Variants in PDE8B observed in about 807,000 individuals in gnomAD.
PDE8B encodes high affinity cAMP-specific and IBMX-insensitive 3',5'-cyclic phosphodiesterase 8B.
Under a neutral mutation model 101.3 loss-of-function variants are expected in PDE8B, and 26 were observed. That is an observed-to-expected ratio of 0.26 (90% confidence interval 0.19 to 0.36). PDE8B has a LOEUF of 0.36. PDE8B is among the 10% of genes least tolerant of loss of function. The probability of loss-of-function intolerance (pLI) is 1.00; values close to 1 mark genes in which losing one functional copy is unlikely to be tolerated. For missense variants in PDE8B, 810 were observed against 1,163.1 expected, an observed-to-expected ratio of 0.70 and a Z score of 4.42; for synonymous variants, 424 against 429.3, an observed-to-expected ratio of 0.99 and a Z score of 0.15.
At chr5:77,169,112 A>G in the PDE8B span, among the ~76,000 whole-genome samples, 1 of 152,176 alleles carries the variant, frequency 6.6e-6, no homozygotes, top group Non-Finnish European at 1.5e-5. Context: ...CTCTTCCAGG[A>G]TATTTAGACA....
chr5:77,242,255 C>A (rs1003228886), intron 1 of PDE8B, among the ~76,000 whole-genome samples: 1 of 152,208 alleles, frequency 6.6e-6, no homozygotes, highest in African/African-American at 2.4e-5. Flanking sequence ...GTATCCAGTG[C>A]TCTCCAAGAG....
At chr5:77,167,357 C>G in the PDE8B span, among the ~76,000 whole-genome samples, 7,422 of 152,262 alleles carry the variant, frequency 0.049, 604 homozygotes, top group African/African-American at 0.17. Flanking sequence ...GGGTGCTTAA[C>G]ACTTTGAGAA....
At chr5:77,396,231 A>G (rs1791035122) in intron 10 of PDE8B, among the ~76,000 whole-genome samples, 1 of 152,206 alleles carries the variant, frequency 6.6e-6, no homozygotes, top group South Asian at 2.1e-4. Context: ...CCCTTCCCCC[A>G]CATTGACTAC....
intron 7 of PDE8B, 89 bp from the exon 8 acceptor site, chr5:77,349,330 C>T (rs1047393045): frequency 6.5e-7 from 1 of 1,542,644 alleles, no homozygotes; most frequent in Admixed American, 1.7e-5. Context: ...TCCTCTGGGT[C>T]CCAACAAGTC....
In PDE8B at chr5:77,321,305, C is replaced by A. The variant is rs181356070; in HGVS notation, c.400-4234C>A. 4.5e-3 allele frequency among the ~76,000 whole-genome samples: 682 copies of A among 152,184 alleles called. 4 individuals carry two copies. The highest frequency in any genetic ancestry group is 0.015 in the African/African-American group (633 of 41,524). ...TAGCTGGGATTACAGGCATGCACCA[C>A]CACGCCTGGCTAATTTTGTATTTTT... On this transcript the variant is annotated intron_variant, in intron 2 of 21. Coordinates refer to ENST00000264917, the MANE Select transcript of PDE8B (RefSeq NM_003719.5).
intron 11 of PDE8B, among the ~76,000 whole-genome samples, chr5:77,401,571 T>C (rs1366893269): frequency 2.6e-5 from 4 of 152,234 alleles, no homozygotes; most frequent in Non-Finnish European, 4.4e-5. Context: ...TAGCCCTATG[T>C]AGTTTTGAGA....
the PDE8B span, chr5:77,105,674 A>G: frequency 5.3e-5 from 8 of 152,200 alleles, no homozygotes; most frequent in Non-Finnish European, 1.2e-4. Flanking sequence ...CTGGAGTGGG[A>G]TTGCTAGATC....
At chr5:77,134,037 T>C in the PDE8B span, among the ~76,000 whole-genome samples, 3 of 152,174 alleles carry the variant, frequency 2.0e-5, no homozygotes, top group Non-Finnish European at 4.4e-5. Context: ...TCTGTAGTCA[T>C]GGAAGCACAC....
At chr5:77,129,687 C>T in the PDE8B span, among the ~76,000 whole-genome samples, 7 of 152,156 alleles carry the variant, frequency 4.6e-5, no homozygotes, top group Non-Finnish European at 8.8e-5. Flanking sequence ...TAGCTCTGTT[C>T]TTCTCTTTCT....
chr5:77,117,582 T>G, the PDE8B span, among the ~76,000 whole-genome samples: 1 of 152,074 alleles, frequency 6.6e-6, no homozygotes, highest in Non-Finnish European at 1.5e-5. Flanking sequence ...TAGGAATCTT[T>G]TGTGTGTTGG....
At chr5:77,151,264 G>A in the PDE8B span, 1 of 152,402 alleles carries the variant, frequency 6.6e-6, no homozygotes, top group Non-Finnish European at 1.5e-5. Context: ...TTCTGGGAAG[G>A]TCCTGGGGGA....
At chr5:77,311,842 A>ATG (rs1772699335) in intron 1 of PDE8B, 152 bp from the exon 2 acceptor site, 6 of 774,502 alleles carry the variant, frequency 7.7e-6, no homozygotes, top group Middle Eastern at 2.3e-4. Flanking sequence ...CTATACATAT[A>ATG]CATCATGCTT....
rs543647571 is a variant in PDE8B at position 77,347,800 on chromosome 5, G to T, written c.877-1619G>T. On this transcript the variant is annotated intron_variant, in intron 7 of 21. Coordinates refer to ENST00000264917, the MANE Select transcript of PDE8B (RefSeq NM_003719.5). ...TGGAGAGGGAAAGAGACAGGGAAGG[G>T]TATTATAAGCAGAGAGAGCACGTGG... Among the ~76,000 whole-genome samples the T allele has an allele frequency of 4.5e-4, 68 of 152,266 alleles. 1 individual carries two copies. The highest frequency in any genetic ancestry group is 8.4e-4 in the Non-Finnish European group (57 of 68,012).
the PDE8B span, among the ~76,000 whole-genome samples, chr5:77,120,043 A>C: frequency 3.3e-5 from 5 of 152,304 alleles, no homozygotes; most frequent in South Asian, 1.0e-3. Context: ...GCCCATTAAC[A>C]GAAGAATGGA....
At chr5:77,094,966 C>T in the PDE8B span, among the ~76,000 whole-genome samples, 1 of 152,150 alleles carries the variant, frequency 6.6e-6, no homozygotes, top group Non-Finnish European at 1.5e-5. Flanking sequence ...CAAACTTCAG[C>T]GTGAGACTTG....
upstream of PDE8B, among the ~76,000 whole-genome samples, chr5:77,207,834 T>C (rs1747628500): frequency 6.6e-6 from 1 of 152,222 alleles, no homozygotes; most frequent in South Asian, 2.1e-4. Context: ...GTGGAGATTA[T>C]AAGGACACAT....
intron 8 of PDE8B, 126 bp downstream of exon 8, chr5:77,349,685 A>C: frequency 9.1e-7 from 1 of 1,104,746 alleles, no homozygotes; most frequent in Non-Finnish European, 1.4e-6. Flanking sequence ...AAGATCTATT[A>C]TGTTTGCAAA....
At chr5:77,169,550 AGAG>A in the PDE8B span, among the ~76,000 whole-genome samples, 18 of 152,214 alleles carry the variant, frequency 1.2e-4, no homozygotes, top group Admixed American at 1.0e-3. Context: ...AGAGAGTAGG[AGAG>A]GAGGTCAGAG....
intron 3 of PDE8B, among the ~76,000 whole-genome samples, chr5:77,326,062 A>C (rs1179394546): frequency 6.6e-6 from 1 of 152,220 alleles, no homozygotes; most frequent in Non-Finnish European, 1.5e-5. Context: ...TTTGGATTTA[A>C]ACTAGCTATT....
Sources: gnomAD v4.1 joint callset for allele counts (sites outside exome capture counted in the v4.1 genomes callset) on GRCh38, gnomAD v4.1.1 for gene constraint, MANE v1.5 for transcripts, NCBI Gene and HGNC (gene_info 2026-07-23, HGNC 2026-07-21) for gene names.